The following EGR4 variants were observed in gnomAD, a reference collection of about 807,000 sequenced individuals.
EGR4 encodes early growth response protein 4.
Under a neutral mutation model 25.4 loss-of-function variants are expected in EGR4, and 22 were observed. The ratio of observed to expected loss-of-function variants is 0.87; its 90% CI spans 0.62 to 1.24. The LOEUF (loss-of-function observed/expected upper bound fraction) is 1.24, where lower values mean the gene tolerates loss of function less well. EGR4 is among the 50% of genes most tolerant of loss of function. The probability of loss-of-function intolerance (pLI) is 0.00; values close to 1 mark genes in which losing one functional copy is unlikely to be tolerated. For missense variants in EGR4, 742 were observed against 702.9 expected (o/e 1.06, Z -0.63); for synonymous variants, 375 against 320.1 (o/e 1.17, Z -1.83).
chr2:73,292,849 A>G, intron 1 of EGR4, 68 bp from the exon 2 acceptor site: 1 of 1,341,416 alleles, frequency 7.5e-7, no homozygotes, highest in African/African-American at 1.5e-5. Context: ...GCCCCTACCT[A>G]CAAAACTCTT....
At chr2:73,292,889 T>C (rs1031113681) in intron 1 of EGR4, 108 bp from the exon 2 acceptor site, 4 of 1,247,066 alleles carry the variant, frequency 3.2e-6, no homozygotes, top group Non-Finnish European at 4.1e-6. Flanking sequence ...AAAGTGCCTT[T>C]TGCACATTCT....
chr2:73,292,808 G>A (rs750002801), intron 1 of EGR4, 27 bp from the exon 2 acceptor site: 1 of 1,414,940 alleles, frequency 7.1e-7, no homozygotes, highest in Non-Finnish European at 9.2e-7. Flanking sequence ...AATCAGCTCT[G>A]GGCACATCAA....
rs561759014 is a variant in EGR4 at position 73,292,835 on chromosome 2, C to A, written c.137-54G>T. ...GCACATCAAAGGGTGCACCTGAGTC[C>A]ACAGCCCCTACCTACAAAACTCTTG... On this transcript the variant is annotated intron_variant, in intron 1 of 1. Coordinates refer to ENST00000436467, the MANE Select transcript of EGR4 (RefSeq NM_001965.4). 1.8e-5 allele frequency: 24 copies of A among 1,363,352 alleles called. No homozygotes were observed. In the African/African-American group the frequency reaches 3.4e-4, roughly 19 times the overall value. The allele number at this position is 1,363,352 out of a possible 1,614,324, so 84.5% of individuals were successfully genotyped here. A position where few individuals can be genotyped will look rare whatever the true frequency, so the allele number is the denominator to read the frequency against.
In EGR4 at chr2:73,293,323, G is replaced by A; in HGVS notation, c.-6C>T. The A allele has an allele frequency of 3.2e-6, 5 of 1,573,632 alleles. No individual in the cohort carries two copies. Among genetic ancestry groups the A allele is most frequent in the Non-Finnish European group, 4.3e-6 (5 of 1,162,858 alleles). On this transcript the variant is annotated 5_prime_UTR_variant, in exon 1 of 2. Transcript: ENST00000436467. ...AACTCGCTAAGGTGGAGCATGGCGCGGCGCCGGCTGTGGGGCGCCCGGGGC... is the reference window on the plus strand; with the variant it reads ...AACTCGCTAAGGTGGAGCATGGCGCAGCGCCGGCTGTGGGGCGCCCGGGGC...
Position 73,292,710 on chromosome 2 carries a change from C to T in EGR4, c.208G>A (p.Glu70Lys). The T allele has an allele frequency of 6.7e-7, 1 of 1,493,136 alleles. No individual in the cohort carries two copies. The highest frequency in any genetic ancestry group is 8.9e-7 in the Non-Finnish European group (1 of 1,121,462). The allele number at this position is 1,493,136 out of a possible 1,614,324, so 92.5% of individuals were successfully genotyped here. A position where few individuals can be genotyped will look rare whatever the true frequency, so the allele number is the denominator to read the frequency against. Residue 70 changes from glutamate (E) to lysine (K), a missense_variant, in exon 2 of 2, where the codon GAG (glutamate) becomes AAG (lysine). Glu to Lys is a moderately conservative substitution (Grantham distance 56). Transcript: ENST00000436467. ...SGDLADSCFLEGPAPTPPPGL... is the reference protein window; with the variant it reads ...SGDLADSCFLKGPAPTPPPGL... ...GGAGGGGGTGTGGGCGCAGGCCCCT[C>T]CAGGAAGCAGGAGTCGGCTAAGTCC...
In EGR4 at chr2:73,293,281, G is replaced by A. The variant is rs1048871155; in HGVS notation, c.37C>T (p.Leu13Phe). Residue 13 changes from leucine (L) to phenylalanine (F), a missense_variant, in exon 1 of 2, where the codon CTC (leucine) becomes TTC (phenylalanine). Transcript: ENST00000436467. ...CAGCCTTCAGTGGACTTGACGAGGA[G>A]CGCGTCGGGTTCGGAAAACTCGCTA... ...HLSEFSEPDA[L>F]LVKSTEGCCA... is the part of the protein sequence containing the mutation. 3 of 1,590,250 alleles carry A rather than the reference G, an allele frequency of 1.9e-6. No individual in the cohort carries two copies. Among genetic ancestry groups the A allele is most frequent in the Non-Finnish European group, 2.6e-6 (3 of 1,170,750 alleles).
chr2:73,292,114 A>T lies in EGR4; in HGVS notation c.804T>A (p.Ala268=), dbSNP rs1401323283. 2 of 1,603,832 alleles carry T rather than the reference A, an allele frequency of 1.2e-6. No individual in the cohort carries two copies. Among genetic ancestry groups the T allele is most frequent in the Admixed American group, 1.7e-5 (1 of 59,042 alleles). The change falls in exon 2 of 2, where the codon GCT becomes GCA. Residue 268 remains alanine, a synonymous_variant. Transcript: ENST00000436467. ...NRLYPSGAYD[A]FPLAPGDLGE... is the part of the protein sequence containing the mutation. ...CTAAGTCACCCGGGGCCAGCGGGAA[A>T]GCGTCATAGGCCCCGCTGGGATAGA...
Position 73,292,092 on chromosome 2 carries a change from A to T in EGR4, c.826T>A (p.Leu276Ile). The T allele has an allele frequency of 6.2e-7, 1 of 1,609,732 alleles. No homozygotes were observed. Among genetic ancestry groups the T allele is most frequent in the South Asian group, 1.1e-5 (1 of 90,200 alleles). Residue 276 changes from leucine to isoleucine, a missense_variant, in exon 2 of 2, where the codon TTA becomes ATA. Physicochemically the swap from Leu to Ile is conservative, Grantham distance 5 (BLOSUM62 2). Coordinates refer to ENST00000436467, the MANE Select transcript of EGR4 (RefSeq NM_001965.4). Reference protein sequence around the residue: ...YDAFPLAPGDLGEGAEGLPGL... With the variant: ...YDAFPLAPGDIGEGAEGLPGL... ...GGGAGGCCCTCAGCCCCCTCCCCTAAGTCACCCGGGGCCAGCGGGAAAGCG... is the reference window on the plus strand; with the variant it reads ...GGGAGGCCCTCAGCCCCCTCCCCTATGTCACCCGGGGCCAGCGGGAAAGCG...
intron 1 of EGR4, 40 bp from the exon 2 acceptor site, chr2:73,292,821 G>C: frequency 1.4e-6 from 2 of 1,381,128 alleles, no homozygotes; most frequent in Non-Finnish European, 1.9e-6. Flanking sequence ...CACATCAAAG[G>C]GTGCACCTGA....
chr2:73,292,532 G>C lies in EGR4; in HGVS notation c.386C>G (p.Pro129Arg). The C allele has an allele frequency of 6.6e-7, 1 of 1,516,126 alleles. No homozygotes were observed. Among genetic ancestry groups the C allele is most frequent in the Non-Finnish European group, 8.8e-7 (1 of 1,134,670 alleles). 93.9% of individuals were successfully genotyped at this position (1,516,126 alleles called of 1,614,324 possible). A position where few individuals can be genotyped will look rare whatever the true frequency, so the allele number is the denominator to read the frequency against. The part of the protein sequence containing the change: ...AAASRSPLDA[P>R]FPAGSDALLP... ...CAAGGCATCGGACCCCGCAGGAAAA[G>C]GGGCATCCAGCGGGGATCTGGACGC... is the stretch of plus-strand genomic sequence containing the variant. Residue 129 changes from proline to arginine, a missense_variant, in exon 2 of 2, where the codon CCT becomes CGT. Transcript: ENST00000436467.
Position 73,292,055 on chromosome 2 carries a change from G to A in EGR4, c.863C>T (p.Thr288Ile). The A allele has an allele frequency of 8.7e-6, 14 of 1,610,686 alleles. No individual in the cohort carries two copies. Among genetic ancestry groups the A allele is most frequent in the Non-Finnish European group, 1.0e-5 (12 of 1,178,508 alleles). Residue 288 changes from threonine to isoleucine, a missense_variant, in exon 2 of 2, where the codon ACC (threonine) becomes ATC (isoleucine). By Grantham distance (89) the Thr-to-Ile change is moderately conservative. Coordinates refer to ENST00000436467, the MANE Select transcript of EGR4 (RefSeq NM_001965.4). ...EGAEGLPGLL[T>I]PPSGEGGSSG... ...ACTCCCTCCCTCCCCACTAGGAGGG[G>A]TCAGGAGCCCAGGGAGGCCCTCAGC...
chr2:73,292,432 C>T lies in EGR4; in HGVS notation c.486G>A (p.Ser162=), dbSNP rs1689129477. 1.3e-6 allele frequency: 2 copies of T among 1,496,178 alleles called. No individual in the cohort carries two copies. Among genetic ancestry groups the T allele is most frequent in the Non-Finnish European group, 8.9e-7 (1 of 1,123,980 alleles). The allele number at this position is 1,496,178 out of a possible 1,614,324, so 92.7% of individuals were successfully genotyped here. Residue 162 remains serine (S), a synonymous_variant, in exon 2 of 2, where the codon TCG becomes TCA. Transcript: ENST00000436467. ...APFPEAFWEA[S]PCAGAPSQCL... ...ACTGCGAGGGGGCACCCGCGCAAGGCGAGGCCTCCCAGAACGCCTCTGGGA... is the reference window on the plus strand; with the variant it reads ...ACTGCGAGGGGGCACCCGCGCAAGGTGAGGCCTCCCAGAACGCCTCTGGGA...
At position 73,292,327 on chromosome 2, in the gene EGR4, A is replaced by T. The variant is rs1157557132; in HGVS notation, c.591T>A (p.Ala197=). The T allele has an allele frequency of 6.3e-6, 10 of 1,593,992 alleles. No individual in the cohort carries two copies. Among genetic ancestry groups the T allele is most frequent in the Non-Finnish European group, 8.6e-6 (10 of 1,169,362 alleles). ...RAPPASPALD[A]VSAFKGPYAP... ...CGTAGGGACCCTTGAAGGCAGAGAC[A>T]GCGTCCAGCGCTGGCGAGGCGGGAG... is the stretch of plus-strand genomic sequence containing the variant. Residue 197 remains alanine (A), a synonymous_variant, in exon 2 of 2, where the codon GCT becomes GCA. Coordinates refer to ENST00000436467, the MANE Select transcript of EGR4 (RefSeq NM_001965.4).
At chr2:73,292,878 C>CA (rs1169835526) in intron 1 of EGR4, 97 bp from the exon 2 acceptor site, 6 of 1,290,230 alleles carry the variant, frequency 4.7e-6, no homozygotes, top group Non-Finnish European at 5.9e-6. Flanking sequence ...CGGATATACA[C>CA]AAAGTGCCTT....
chr2:73,291,427 G>T lies in EGR4; in HGVS notation c.*30C>A. ...CCGGAACTCGTGCGCGCCGAACGGCGGCGCCCCAACCCATAAACCCATCTC... is the reference window on the plus strand; with the variant it reads ...CCGGAACTCGTGCGCGCCGAACGGCTGCGCCCCAACCCATAAACCCATCTC... On this transcript the variant is annotated 3_prime_UTR_variant, in exon 2 of 2. Coordinates refer to ENST00000436467, the MANE Select transcript of EGR4 (RefSeq NM_001965.4). The T allele has an allele frequency of 6.5e-7, 1 of 1,538,628 alleles. No individual in the cohort carries two copies. The highest frequency in any genetic ancestry group is 8.7e-7 in the Non-Finnish European group (1 of 1,144,790).
chr2:73,293,082 T>G, intron 1 of EGR4, 100 bp downstream of exon 1: 3 of 1,209,898 alleles, frequency 2.5e-6, no homozygotes, highest in Non-Finnish European at 2.2e-6. Context: ...ATCGCCCCTA[T>G]TCTCATAGCT....
Position 73,293,503 on chromosome 2 carries a change from G to A in EGR4, c.-186C>T, listed in dbSNP as rs1192764393. The A allele has an allele frequency of 1.3e-5, 14 of 1,093,424 alleles. No individual in the cohort carries two copies. The highest frequency in any genetic ancestry group is 5.2e-5 in the East Asian group (1 of 19,354). The allele number at this position is 1,093,424 out of a possible 1,614,324, so 67.7% of individuals were successfully genotyped here. ...CGCGGCGCCCTCGCTCGCCCGCACC[G>A]GCCTCGGGCGGCGGCTCCTCGCCTC... On this transcript the variant is annotated 5_prime_UTR_variant, in exon 1 of 2. Transcript: ENST00000436467.
In EGR4 at chr2:73,292,397, T is replaced by TCATACAGG. The variant is rs1250227071; in HGVS notation, c.513_520dup (p.Glu174AlafsTer65). On this transcript the variant is annotated frameshift_variant, in exon 2 of 2. Coordinates refer to ENST00000436467, the MANE Select transcript of EGR4 (RefSeq NM_001965.4). LOFTEE classifies it high-confidence loss of function. ...GACGTCGGGCGGGGAGAGCTGAGGC[T>TCATACAGG]CATACAGGCACTGCGAGGGGGCACC... 5 of 1,519,154 alleles carry TCATACAGG rather than the reference T, an allele frequency of 3.3e-6. No homozygotes were observed. The highest frequency in any genetic ancestry group is 4.4e-6 in the Non-Finnish European group (5 of 1,136,424). 94.1% of individuals were successfully genotyped at this position (1,519,154 alleles called of 1,614,324 possible). A position where few individuals can be genotyped will look rare whatever the true frequency, so the allele number is the denominator to read the frequency against.
At position 73,291,891 on chromosome 2, in the gene EGR4, C is replaced by T; in HGVS notation, c.1027G>A (p.Val343Met). ...PGSSGVAAPP[V>M]PPPPPTPFPQ... ...AAAGGGGTGGGCGGCGGCGGCGGCA[C>T]GGGTGGTGCAGCCACGCCACTGCTT... Residue 343 changes from valine to methionine, a missense_variant, in exon 2 of 2, where the codon GTG (valine) becomes ATG (methionine). By Grantham distance (21) the Val-to-Met change is conservative (BLOSUM62 1). Transcript: ENST00000436467. 2.5e-6 allele frequency: 4 copies of T among 1,572,984 alleles called. No individual in the cohort carries two copies. The highest frequency in any genetic ancestry group is 3.4e-6 in the Non-Finnish European group (4 of 1,162,154).
Sources: allele counts gnomAD v4.1 joint callset, GRCh38; gene constraint gnomAD v4.1.1; transcripts MANE v1.5; gene names NCBI Gene and HGNC (gene_info 2026-07-23, HGNC 2026-07-21).